Variants in NHLRC2 observed in about 807,000 individuals in gnomAD.
The protein encoded by NHLRC2 is NHL repeat containing 2.
In NHLRC2, 33 loss-of-function variants were observed where a neutral mutation model predicts 68.1. That is an observed-to-expected ratio of 0.48 (90% confidence interval 0.37 to 0.65). The LOEUF is 0.65. Ranked by LOEUF, NHLRC2 falls within the 30% of genes least tolerant of loss-of-function variation. NHLRC2 has a pLI of 0.00. For missense variants in NHLRC2, 761 were observed against 853.8 expected, an observed-to-expected ratio of 0.89 and a Z score of 1.35; for synonymous variants, 311 against 309.6, an observed-to-expected ratio of 1.00 and a Z score of -0.05.
At chr10:113,873,099 A>G (rs1261195331) in intron 2 of NHLRC2, among the ~76,000 whole-genome samples, 1 of 152,224 alleles carries the variant, frequency 6.6e-6, no homozygotes, top group Admixed American at 6.5e-5. Context: ...CAAATAACGT[A>G]CAAAGCAAGG....
rs1026070744 is a variant in NHLRC2 at position 113,913,551 on chromosome 10, A to G, written c.*5015A>G. Reference sequence around the variant, plus strand: ...CAGTGCTGTTTCAAAAGTTGTTTTAAAAGTTCTAACGGTTGGTCTTCAAAA... The same window carrying G: ...CAGTGCTGTTTCAAAAGTTGTTTTAGAAGTTCTAACGGTTGGTCTTCAAAA... On this transcript the variant is annotated 3_prime_UTR_variant, in exon 11 of 11. Transcript: ENST00000369301. 6.6e-6 allele frequency: 1 copy of G among 152,210 alleles called. No homozygotes were observed. Among genetic ancestry groups the G allele is most frequent in the African/African-American group, 2.4e-5 (1 of 41,460 alleles). The allele number at this position is 152,210 out of a possible 1,614,324, so 9.4% of individuals were successfully genotyped here.
intron 10 of NHLRC2, among the ~76,000 whole-genome samples, chr10:113,907,057 A>G (rs1166525285): frequency 2.0e-5 from 3 of 152,196 alleles, no homozygotes; most frequent in Admixed American, 1.3e-4. Flanking sequence ...TAGATAAAAG[A>G]TACTCTCTAA....
chr10:113,860,475 T>C (rs1232395148), intron 2 of NHLRC2, among the ~76,000 whole-genome samples: 1 of 151,954 alleles, frequency 6.6e-6, no homozygotes, highest in East Asian at 1.9e-4. Context: ...TCACTGTCAG[T>C]TTCAACAAAG....
At chr10:113,902,245 G>A (rs187036799) in intron 7 of NHLRC2, among the ~76,000 whole-genome samples, 119 of 152,284 alleles carry the variant, frequency 7.8e-4, no homozygotes, top group Non-Finnish European at 1.5e-3. Context: ...ACCAGATGTA[G>A]TATTGTGAGT....
In NHLRC2 at chr10:113,901,906, A is replaced by T. The variant is rs1846232679; in HGVS notation, c.1371+9A>T. 1 of 1,577,816 alleles carries T rather than the reference A, an allele frequency of 6.3e-7. No homozygotes were observed. Among genetic ancestry groups the T allele is most frequent in the African/African-American group, 1.3e-5 (1 of 74,174 alleles). On this transcript the variant is annotated intron_variant, in intron 7 of 10. Coordinates refer to ENST00000369301, the MANE Select transcript of NHLRC2 (RefSeq NM_198514.4). Reference sequence around the variant, plus strand: ...GAGAAAGAGACCCCATGGTAATGACAGTCACTCTTGCACAGTGCGCTCGGA... The same window carrying T: ...GAGAAAGAGACCCCATGGTAATGACTGTCACTCTTGCACAGTGCGCTCGGA...
At chr10:113,874,783 A>G (rs935241064) in intron 2 of NHLRC2, among the ~76,000 whole-genome samples, 1 of 151,070 alleles carries the variant, frequency 6.6e-6, no homozygotes, top group Non-Finnish European at 1.5e-5. Context: ...GATTGGATTA[A>G]TTTCTGTTGA....
intron 10 of NHLRC2, among the ~76,000 whole-genome samples, chr10:113,905,844 A>G (rs1589550023): frequency 6.6e-6 from 1 of 152,290 alleles, no homozygotes; most frequent in Non-Finnish European, 1.5e-5. Context: ...CTAAACCAAG[A>G]GGATAACGGT....
At chr10:113,895,842 C>T (rs1035767150) in intron 5 of NHLRC2, among the ~76,000 whole-genome samples, 1 of 152,170 alleles carries the variant, frequency 6.6e-6, no homozygotes, top group African/African-American at 2.4e-5. Context: ...TGGTCTATCA[C>T]ATTACCATAG....
intron 1 of NHLRC2, among the ~76,000 whole-genome samples, chr10:113,856,440 T>G (rs1845759811): frequency 6.6e-6 from 1 of 152,036 alleles, no homozygotes; most frequent in South Asian, 2.1e-4. Context: ...TTTGAAATAT[T>G]GTGGAATTCT....
rs1846062873 is a variant in NHLRC2 at position 113,884,364 on chromosome 10, A to G, written c.1023A>G (p.Val341=). 6.2e-7 allele frequency: 1 copy of G among 1,609,414 alleles called. No individual in the cohort carries two copies. Residue 341 remains valine, a synonymous_variant, in exon 5 of 11, where the codon GTA becomes GTG. Transcript: ENST00000369301. ...AACCCATTAGTTCCCCTTGGGATGTAGTTTTTGGAACATCAGGTATGTGAA... is the reference window on the plus strand; with the variant it reads ...AACCCATTAGTTCCCCTTGGGATGTGGTTTTTGGAACATCAGGTATGTGAA... ...EQQPISSPWD[V]VFGTSGSEVQ... is the part of the protein sequence containing the mutation.
intron 2 of NHLRC2, 32 bp downstream of exon 2, chr10:113,858,712 T>C: frequency 6.5e-7 from 1 of 1,544,382 alleles, no homozygotes; most frequent in Non-Finnish European, 8.9e-7. Context: ...TCTAACAGAC[T>C]GTCCTGGCAT....
chr10:113,871,511 A>G (rs968489155), intron 2 of NHLRC2, among the ~76,000 whole-genome samples: 1 of 152,008 alleles, frequency 6.6e-6, no homozygotes, highest in Non-Finnish European at 1.5e-5. Context: ...GATGGTAGGC[A>G]TTTTTTTCCT....
chr10:113,871,252 G>A (rs988717394), intron 2 of NHLRC2, among the ~76,000 whole-genome samples: 5 of 151,994 alleles, frequency 3.3e-5, no homozygotes, highest in Non-Finnish European at 5.9e-5. Flanking sequence ...TTGGCCTCCC[G>A]ACCTCAGGTG....
In NHLRC2 at chr10:113,858,655, A is replaced by G. The variant is rs1047785413; in HGVS notation, c.306A>G (p.Ala102=). The G allele has an allele frequency of 3.7e-6, 6 of 1,611,716 alleles. No individual in the cohort carries two copies. The highest frequency in any genetic ancestry group is 1.3e-5 in the African/African-American group (1 of 74,892). The part of the protein sequence containing the change: ...NCIHLLPDLH[A]LEHTYSDKDG... Reference sequence around the variant, plus strand: ...TTCACCTATTGCCTGATCTCCATGCATTAGAACACACATACTCTGATAAAG... The same window carrying G: ...TTCACCTATTGCCTGATCTCCATGCGTTAGAACACACATACTCTGATAAAG... The change falls in exon 2 of 11, where the codon GCA becomes GCG. Residue 102 remains alanine, a synonymous_variant. Coordinates refer to ENST00000369301, the MANE Select transcript of NHLRC2 (RefSeq NM_198514.4).
Position 113,908,535 on chromosome 10 carries a change from A to G in NHLRC2, c.2180A>G (p.Ter727TrpextTer4). 6.2e-7 allele frequency: 1 copy of G among 1,613,890 alleles called. No homozygotes were observed. The highest frequency in any genetic ancestry group is 1.1e-5 in the South Asian group (1 of 91,070). The change falls in exon 11 of 11, where the codon TAG (stop) becomes TGG (tryptophan). Residue 727 changes from the stop codon to tryptophan (W), a stop_lost. Transcript: ENST00000369301. ...IAPVELRYVF[*>W] is the part of the protein sequence containing the mutation. ...CCAGTAGAGCTCAGGTATGTATTTT[A>G]GCCAGCCAGCTAGCTAGCAACCCAT...
Position 113,905,525 on chromosome 10 carries a change from C to T in NHLRC2, c.1924+489C>T, listed in dbSNP as rs116614463. On this transcript the variant is annotated intron_variant, in intron 10 of 10. Transcript: ENST00000369301. Reference sequence around the variant, plus strand: ...TAATCTATGGTAAGGAATCAGTATACTGCTTGCCTTGCAGTATGCATTCCA... The same window carrying T: ...TAATCTATGGTAAGGAATCAGTATATTGCTTGCCTTGCAGTATGCATTCCA... 9.4e-3 allele frequency among the ~76,000 whole-genome samples: 1,426 copies of T among 152,262 alleles called. 27 individuals carry two copies. Among genetic ancestry groups the T allele is most frequent in the African/African-American group, 0.032 (1,344 of 41,556 alleles).
rs918104713 is a variant in NHLRC2, at chr10:113,854,898, G to A, written c.26G>A (p.Arg9His). 3 of 1,549,270 alleles carry A rather than the reference G, an allele frequency of 1.9e-6. No homozygotes were observed. Among genetic ancestry groups the A allele is most frequent in the East Asian group, 2.4e-5 (1 of 40,926 alleles). MAAPGGRGRSLSGLLPAQT... is the reference protein window; with the variant it reads MAAPGGRGHSLSGLLPAQT... ...ATGGCGGCGCCCGGAGGCCGGGGCC[G>A]CAGCCTCTCCGGCCTGCTCCCCGCG... The change falls in exon 1 of 11, where the codon CGC (arginine) becomes CAC (histidine). Residue 9 changes from arginine to histidine, a missense_variant. Arg to His is a conservative substitution (Grantham distance 29). Transcript: ENST00000369301.
chr10:113,860,110 T>C (rs1286584094), intron 2 of NHLRC2, among the ~76,000 whole-genome samples: 1 of 152,222 alleles, frequency 6.6e-6, no homozygotes, highest in Non-Finnish European at 1.5e-5. Flanking sequence ...ATAGCGTTCT[T>C]AATAGTTTAG....
In NHLRC2 at chr10:113,854,785, T is replaced by C. The variant is rs1845724485; in HGVS notation, c.-88T>C. On this transcript the variant is annotated 5_prime_UTR_variant, in exon 1 of 11. Coordinates refer to ENST00000369301, the MANE Select transcript of NHLRC2 (RefSeq NM_198514.4). ...GTGGAGGGTGAGGTGAATGCGCCGTTTGGAAACCACAGGACAGTGAACGTT... is the reference window on the plus strand; with the variant it reads ...GTGGAGGGTGAGGTGAATGCGCCGTCTGGAAACCACAGGACAGTGAACGTT... 1 of 1,181,376 alleles carries C rather than the reference T, an allele frequency of 8.5e-7. No homozygotes were observed. The highest frequency in any genetic ancestry group is 2.8e-5 in the Admixed American group (1 of 35,150). The allele number at this position is 1,181,376 out of a possible 1,614,324, so 73.2% of individuals were successfully genotyped here. A position where few individuals can be genotyped will look rare whatever the true frequency, so the allele number is the denominator to read the frequency against.
Sources: allele counts gnomAD v4.1 joint callset (sites outside exome capture counted in the v4.1 genomes callset), GRCh38; gene constraint gnomAD v4.1.1; transcripts MANE v1.5; gene names NCBI Gene and HGNC (gene_info 2026-07-23, HGNC 2026-07-21).